FRAS1: variants seen among roughly 807,000 people sequenced by gnomAD.
FRAS1 encodes the protein Fraser extracellular matrix complex subunit 1.
Under a neutral mutation model 435.2 loss-of-function variants are expected in FRAS1, and 290 were observed. The ratio of observed to expected loss-of-function variants is 0.67; its 90% CI spans 0.61 to 0.73. The LOEUF is 0.73. Among genes scored for constraint, FRAS1 ranks in the 30% least tolerant of loss-of-function variants. The probability of loss-of-function intolerance (pLI) is 0.00; values close to 1 mark genes in which losing one functional copy is unlikely to be tolerated. For synonymous variants in FRAS1, 1,800 were observed against 1,851.0 expected (o/e 0.97, Z 0.71); for missense variants, 4,860 against 5,001.5 (o/e 0.97, Z 0.85).
chr4:78,212,753 C>T (rs1223295805), intron 2 of FRAS1, among the ~76,000 whole-genome samples: 1 of 152,178 alleles, frequency 6.6e-6, no homozygotes, highest in Non-Finnish European at 1.5e-5. Flanking sequence ...CTTACTGTGA[C>T]TGAGCAAATA....
intron 29 of FRAS1, 53 bp from the exon 30 acceptor site, chr4:78,400,681 T>G: frequency 3.2e-6 from 5 of 1,545,242 alleles, no homozygotes; most frequent in African/African-American, 2.8e-5. Flanking sequence ...GTTTAAGGAT[T>G]GATATATTCT....
intron 2 of FRAS1, among the ~76,000 whole-genome samples, chr4:78,085,302 T>A (rs1338857875): frequency 6.6e-6 from 1 of 152,168 alleles, no homozygotes; most frequent in Non-Finnish European, 1.5e-5. Context: ...CTTTTATGCA[T>A]CGTCTGTTTA....
intron 5 of FRAS1, among the ~76,000 whole-genome samples, chr4:78,253,496 A>G (rs899349673): frequency 2.6e-5 from 4 of 152,340 alleles, no homozygotes; most frequent in East Asian, 1.9e-4. Flanking sequence ...ATAAATGTCC[A>G]TGAAATCTTC....
intron 6 of FRAS1, among the ~76,000 whole-genome samples, chr4:78,258,196 C>A (rs72864537): frequency 0.01 from 1,554 of 152,042 alleles, 15 homozygotes; most frequent in African/African-American, 0.036. Context: ...CAAAACTTAG[C>A]CGGACATGAT....
intron 2 of FRAS1, among the ~76,000 whole-genome samples, chr4:78,130,750 G>A (rs931999313): frequency 2.4e-4 from 37 of 152,138 alleles, no homozygotes; most frequent in Admixed American, 2.6e-4. Context: ...AGAGAAAAGG[G>A]TAAAGTCATG....
chr4:78,192,351 G>T (rs1411150928), intron 2 of FRAS1, among the ~76,000 whole-genome samples: 1 of 152,186 alleles, frequency 6.6e-6, no homozygotes, highest in African/African-American at 2.4e-5. Context: ...GTTTCAGAAG[G>T]AATGGTACCA....
At chr4:78,524,913 G>T (rs1184936589) in intron 69 of FRAS1, among the ~76,000 whole-genome samples, 1 of 152,134 alleles carries the variant, frequency 6.6e-6, no homozygotes, top group Admixed American at 6.5e-5. Flanking sequence ...GTTCCCAGTA[G>T]ACCTTATCTG....
rs376270109 is a variant in FRAS1 at position 78,387,683 on chromosome 4, A to G, written c.3957A>G (p.Gln1319=). The change falls in exon 29 of 74, where the codon CAA becomes CAG. Residue 1319 remains glutamine, a synonymous_variant. Transcript: ENST00000512123. The part of the protein sequence containing the change: ...DGHSFHNILF[Q]VKTVPQNDRG... ...ACTCCTTCCATAATATACTGTTCCA[A>G]GTGAAGACCGTGCCTCAGGTAGGTG... 6.9e-5 allele frequency: 106 copies of G among 1,528,852 alleles called. No homozygotes were observed. In the African/African-American group the frequency reaches 1.2e-3, roughly 17 times the overall value. 94.7% of individuals were successfully genotyped at this position (1,528,852 alleles called of 1,614,324 possible). A position where few individuals can be genotyped will look rare whatever the true frequency, so the allele number is the denominator to read the frequency against.
chr4:78,145,051 T>A (rs964680850), intron 2 of FRAS1, among the ~76,000 whole-genome samples: 2 of 152,192 alleles, frequency 1.3e-5, no homozygotes, highest in African/African-American at 2.4e-5. Flanking sequence ...TAAATTTCCC[T>A]TTAGAAAGAT....
intron 47 of FRAS1, among the ~76,000 whole-genome samples, chr4:78,453,281 A>G (rs1719081848): frequency 1.3e-5 from 2 of 152,202 alleles, no homozygotes; most frequent in South Asian, 4.1e-4. Context: ...GGGGTTAGAA[A>G]GCTTTCACAT....
intron 30 of FRAS1, among the ~76,000 whole-genome samples, chr4:78,405,725 C>T (rs1560708879): frequency 6.6e-6 from 1 of 152,216 alleles, no homozygotes; most frequent in Non-Finnish European, 1.5e-5. Flanking sequence ...GACACTCTAT[C>T]TTTCTGTCTC....
rs538089211 is a variant in FRAS1, at chr4:78,105,899, C to A, written c.108+39883C>A. ...CAGGCCAGTGTGTGCGCGCACCGTG[C>A]GCGAGCCGAAGCAGGGCAAGGCATT... On this transcript the variant is annotated intron_variant, in intron 2 of 73. Coordinates refer to ENST00000512123, the MANE Select transcript of FRAS1 (RefSeq NM_025074.7). 1.5e-5 allele frequency among the ~76,000 whole-genome samples: 2 copies of A among 136,404 alleles called. 1 individual carries two copies. The highest frequency in any genetic ancestry group is 4.5e-4 in the South Asian group (2 of 4,454). 89.5% of individuals were successfully genotyped at this position (136,404 alleles called of 152,430 possible).
chr4:78,427,655 A>G (rs764351000), intron 35 of FRAS1, among the ~76,000 whole-genome samples: 19 of 152,230 alleles, frequency 1.2e-4, no homozygotes, highest in Non-Finnish European at 2.8e-4. Context: ...AAGCAATGAC[A>G]ATAATTTTGA....
In FRAS1 at chr4:78,400,854, A is replaced by C; in HGVS notation, c.4096A>C (p.Ile1366Leu). 1 of 1,613,818 alleles carries C rather than the reference A, an allele frequency of 6.2e-7. No homozygotes were observed. The highest frequency in any genetic ancestry group is 8.5e-7 in the Non-Finnish European group (1 of 1,179,814). The change falls in exon 30 of 74, where the codon ATC becomes CTC. Residue 1366 changes from isoleucine (I) to leucine (L), a missense_variant. Ile to Leu is a conservative substitution (Grantham distance 5, BLOSUM62 2). Transcript: ENST00000512123. The stretch of plus-strand genomic sequence containing the variant: ...TCCTGGTGCCAGTGCTGAAGAAATC[A>C]TCTACAAGATTACACAAGACTACCC... Reference protein sequence around the residue: ...EAPGASAEEIIYKITQDYPQF... With the variant: ...EAPGASAEEILYKITQDYPQF...
intron 61 of FRAS1, among the ~76,000 whole-genome samples, chr4:78,502,187 T>C (rs1477694006): frequency 6.6e-6 from 1 of 152,190 alleles, no homozygotes; most frequent in Non-Finnish European, 1.5e-5. Context: ...CTTAGGACTG[T>C]CTTGGCAATG....
chr4:78,524,754 G>A (rs1721482644), intron 69 of FRAS1, among the ~76,000 whole-genome samples: 1 of 152,080 alleles, frequency 6.6e-6, no homozygotes, highest in Admixed American at 6.6e-5. Context: ...CCTAAGTATA[G>A]GACTTAAAGT....
chr4:78,466,347 A>T lies in FRAS1; in HGVS notation c.7169A>T (p.Asp2390Val). Reference sequence around the variant, plus strand: ...CAGAACCGGGTCAGCTACAGCCATGACGGCAGTAACTCCCTCAAGGACCGG... The same window carrying T: ...CAGAACCGGGTCAGCTACAGCCATGTCGGCAGTAACTCCCTCAAGGACCGG... Reference protein sequence around the residue: ...IYQNRVSYSHDGSNSLKDRFT... With the variant: ...IYQNRVSYSHVGSNSLKDRFT... The change falls in exon 50 of 74, where the codon GAC becomes GTC. Residue 2390 changes from aspartate to valine, a missense_variant. Coordinates refer to ENST00000512123, the MANE Select transcript of FRAS1 (RefSeq NM_025074.7). The T allele has an allele frequency of 6.2e-7, 1 of 1,613,894 alleles. No individual in the cohort carries two copies. The highest frequency in any genetic ancestry group is 8.5e-7 in the Non-Finnish European group (1 of 1,179,800).
At chr4:78,381,940 G>A (rs1036291653) in intron 27 of FRAS1, among the ~76,000 whole-genome samples, 2 of 152,274 alleles carry the variant, frequency 1.3e-5, no homozygotes, top group African/African-American at 4.8e-5. Context: ...AACGAGGTTG[G>A]TAGAAACCCA....
chr4:78,409,145 A>G (rs1477357382), intron 31 of FRAS1, among the ~76,000 whole-genome samples: 2 of 149,940 alleles, frequency 1.3e-5, no homozygotes, highest in Admixed American at 1.3e-4. Flanking sequence ...AGACAAAAAG[A>G]AAACAAAAGA....
Sources: allele counts gnomAD v4.1 joint callset (sites outside exome capture counted in the v4.1 genomes callset), GRCh38; gene constraint gnomAD v4.1.1; transcripts MANE v1.5; gene names NCBI Gene and HGNC (gene_info 2026-07-23, HGNC 2026-07-21).